Variants in HTR6 observed in about 807,000 individuals in gnomAD.
The protein encoded by HTR6 is 5-hydroxytryptamine receptor 6, also known as 5-hydroxytryptamine (serotonin) receptor 6, G protein-coupled.
Under a neutral mutation model 17.4 loss-of-function variants are expected in HTR6, and 15 were observed. The observed-to-expected ratio is 0.86, with a 90% CI of 0.58 to 1.33. HTR6 has a LOEUF of 1.33. Ranked by LOEUF, HTR6 falls within the 40% of genes most tolerant of loss-of-function variation. The pLI is 0.00. For synonymous variants in HTR6, 326 were observed against 295.5 expected (o/e 1.10, Z -1.06); for missense variants, 578 against 616.0 (o/e 0.94, Z 0.65).
At chr1:19,668,201 T>G (rs1287244931) in intron 1 of HTR6, among the ~76,000 whole-genome samples, 1 of 152,182 alleles carries the variant, frequency 6.6e-6, no homozygotes, top group African/African-American at 2.4e-5. Context: ...TCTTCAGGGG[T>G]GGGATGGCTG....
Position 19,678,623 on chromosome 1 carries a change from G to A in HTR6, c.771G>A (p.Thr257=), listed in dbSNP as rs143893286. ...CTGCTGACAGCAGGCGTCTAGCCACGAAGCACAGCAGGAAGGCCCTGAAGG... is the reference window on the plus strand; with the variant it reads ...CTGCTGACAGCAGGCGTCTAGCCACAAAGCACAGCAGGAAGGCCCTGAAGG... ...VESADSRRLA[T]KHSRKALKAS... Residue 257 remains threonine, a synonymous_variant, in exon 2 of 3, where the codon ACG becomes ACA. Transcript: ENST00000289753. 2.2e-4 allele frequency: 357 copies of A among 1,613,522 alleles called. No homozygotes were observed. The highest frequency in any genetic ancestry group is 2.8e-4 in the Non-Finnish European group (336 of 1,179,990).
Position 19,678,602 on chromosome 1 carries a change from T to A in HTR6, c.750T>A (p.Ala250=). The part of the protein sequence containing the change: ...PRTPRPGVES[A]DSRRLATKHS... ...CCCCACGCCCAGGGGTGGAGTCTGC[T>A]GACAGCAGGCGTCTAGCCACGAAGC... The change falls in exon 2 of 3, where the codon GCT becomes GCA. Residue 250 remains alanine (A), a synonymous_variant. Transcript: ENST00000289753. 6.2e-7 allele frequency: 1 copy of A among 1,613,044 alleles called. No individual in the cohort carries two copies. Among genetic ancestry groups the A allele is most frequent in the Non-Finnish European group, 8.5e-7 (1 of 1,179,980 alleles).
Position 19,679,610 on chromosome 1 carries a change from C to T in HTR6, c.*242C>T. 2 of 543,084 alleles carry T rather than the reference C, an allele frequency of 3.7e-6. No individual in the cohort carries two copies. Among genetic ancestry groups the T allele is most frequent in the Non-Finnish European group, 6.2e-6 (2 of 321,022 alleles). The allele number at this position is 543,084 out of a possible 1,614,324, so 33.6% of individuals were successfully genotyped here. A position where few individuals can be genotyped will look rare whatever the true frequency, so the allele number is the denominator to read the frequency against. The stretch of plus-strand genomic sequence containing the variant: ...CACTGTTGAGTGTAACTTGTGTGTG[C>T]AGAGGATGGGCTGGAGGACTCTGGA... On this transcript the variant is annotated 3_prime_UTR_variant, in exon 3 of 3. Transcript: ENST00000289753. This position sits in a 1 kb window ranked among gnomAD's most constrained non-coding sequence, Gnocchi z 4.9.
intron 1 of HTR6, among the ~76,000 whole-genome samples, chr1:19,668,781 A>C (rs2100468993): frequency 6.6e-6 from 1 of 152,234 alleles, no homozygotes; most frequent in South Asian, 2.1e-4. Context: ...TAGAAAGAAA[A>C]CTTCGTATCT....
chr1:19,672,424 C>G (rs2095089333), intron 1 of HTR6, among the ~76,000 whole-genome samples: 1 of 143,632 alleles, frequency 7.0e-6, no homozygotes, highest in African/African-American at 2.5e-5. Flanking sequence ...GAGGAGGAGG[C>G]TGTGATCACA....
At chr1:19,676,986 G>T (rs2095095218) in intron 1 of HTR6, among the ~76,000 whole-genome samples, 1 of 152,180 alleles carries the variant, frequency 6.6e-6, no homozygotes, top group African/African-American at 2.4e-5. Context: ...AGTAAATAGA[G>T]GTGGGCCTAA....
At chr1:19,669,185 G>T (rs2095084966) in intron 1 of HTR6, among the ~76,000 whole-genome samples, 1 of 152,166 alleles carries the variant, frequency 6.6e-6, no homozygotes, top group African/African-American at 2.4e-5. Context: ...GAGAGATCAG[G>T]ATTCCTAGTT....
intron 1 of HTR6, among the ~76,000 whole-genome samples, chr1:19,670,710 C>T (rs909606131): frequency 7.2e-5 from 11 of 152,140 alleles, no homozygotes; most frequent in Non-Finnish European, 1.0e-4. Context: ...GCAATCCACC[C>T]GCCTTGGCTT....
In HTR6 at chr1:19,678,897, A is replaced by T. The variant is rs370937620; in HGVS notation, c.874-22A>T. On this transcript the variant is annotated intron_variant, in intron 2 of 2. Transcript: ENST00000289753. ...CTGGGTCCCTGCCCTGGGACCAGGC[A>T]TGATGCATCCCCTCCCCCCAGGCCG... The T allele has an allele frequency of 1.1e-5, 17 of 1,576,754 alleles. No individual in the cohort carries two copies. The African/African-American group carries it at 2.3e-4, about 21-fold the overall frequency.
At chr1:19,678,018 G>A (rs1296948810) in intron 1 of HTR6, among the ~76,000 whole-genome samples, 3 of 152,226 alleles carry the variant, frequency 2.0e-5, no homozygotes, top group African/African-American at 7.2e-5. Context: ...GGGATTACAG[G>A]CGTGAGCCAC....
In HTR6 at chr1:19,665,855, C is replaced by A. The variant is rs1178279904; in HGVS notation, c.102C>A (p.Cys34Ter). 1.9e-6 allele frequency: 3 copies of A among 1,591,764 alleles called. No homozygotes were observed. Among genetic ancestry groups the A allele is most frequent in the Non-Finnish European group, 2.6e-6 (3 of 1,169,786 alleles). ...GGSGWVAAAL[C>*]VVIALTAAAN... ...GCGGCTGGGTGGCGGCCGCGCTGTG[C>A]GTGGTCATCGCGCTGACGGCGGCGG... is the stretch of plus-strand genomic sequence containing the variant. Residue 34 changes from cysteine to a stop codon, truncating the protein, a stop_gained, in exon 1 of 3, where the codon TGC becomes TGA. Coordinates refer to ENST00000289753, the MANE Select transcript of HTR6 (RefSeq NM_000871.3). LOFTEE classifies it high-confidence loss of function. The surrounding 1 kb of genome is among the most constrained non-coding windows in gnomAD (Gnocchi z 4.2).
At chr1:19,671,635 C>T (rs2095088007) in intron 1 of HTR6, among the ~76,000 whole-genome samples, 1 of 152,172 alleles carries the variant, frequency 6.6e-6, no homozygotes, top group African/African-American at 2.4e-5. Flanking sequence ...GACCCCTTCC[C>T]TTTTCCTGTG....
Position 19,665,657 on chromosome 1 carries a change from T to G in HTR6, c.-97T>G. The G allele has an allele frequency of 8.7e-6, 7 of 805,946 alleles. No homozygotes were observed. The highest frequency in any genetic ancestry group is 1.3e-5 in the Non-Finnish European group (7 of 522,698). 49.9% of individuals were successfully genotyped at this position (805,946 alleles called of 1,614,324 possible). A position where few individuals can be genotyped will look rare whatever the true frequency, so the allele number is the denominator to read the frequency against. ...GGGGGGCGTGGTGAGTCGCGGTCTG[T>G]TCTCACGGACGGTCCCCGTCCAGCC... On this transcript the variant is annotated 5_prime_UTR_variant, in exon 1 of 3. Coordinates refer to ENST00000289753, the MANE Select transcript of HTR6 (RefSeq NM_000871.3). This position sits in a 1 kb window ranked among gnomAD's most constrained non-coding sequence, Gnocchi z 4.2.
At chr1:19,675,579 T>C (rs2095093225) in intron 1 of HTR6, among the ~76,000 whole-genome samples, 1 of 152,138 alleles carries the variant, frequency 6.6e-6, no homozygotes, top group African/African-American at 2.4e-5. Flanking sequence ...CACCCCATTC[T>C]CTGGAGCTCC....
chr1:19,671,728 C>T (rs746352042), intron 1 of HTR6, among the ~76,000 whole-genome samples: 3 of 152,206 alleles, frequency 2.0e-5, no homozygotes, highest in Non-Finnish European at 2.9e-5. Flanking sequence ...GCATAGGTCT[C>T]GAGGCCCCAG....
At position 19,665,068 on chromosome 1, in the gene HTR6, C is replaced by T. The variant is rs1462223910; in HGVS notation, c.-686C>T. 6.6e-6 allele frequency among the ~76,000 whole-genome samples: 1 copy of T among 151,580 alleles called. No individual in the cohort carries two copies. The highest frequency in any genetic ancestry group is 1.5e-5 in the Non-Finnish European group (1 of 67,840). On this transcript the variant is annotated 5_prime_UTR_variant, in exon 1 of 3. Transcript: ENST00000289753. The surrounding 1 kb of genome is among the most constrained non-coding windows in gnomAD (Gnocchi z 4.2). ...CGGGCGGGAGACGGAGGCGACCCTG[C>T]TGCCGGGTGGGGAGGGGGCGCCGCG...
In HTR6 at chr1:19,678,633, A is replaced by C; in HGVS notation, c.781A>C (p.Arg261=). 4.3e-6 allele frequency: 7 copies of C among 1,613,714 alleles called. No individual in the cohort carries two copies. The highest frequency in any genetic ancestry group is 8.5e-7 in the Non-Finnish European group (1 of 1,180,002). ...DSRRLATKHS[R]KALKASLTLG... is the part of the protein sequence containing the mutation. ...CAGGCGTCTAGCCACGAAGCACAGC[A>C]GGAAGGCCCTGAAGGCCAGCCTGAC... Residue 261 remains arginine (R), a synonymous_variant, in exon 2 of 3, where the codon AGG becomes CGG. Transcript: ENST00000289753.
rs200027010 is a variant in HTR6 at position 19,678,599 on chromosome 1, T to C, written c.747T>C (p.Ser249=). The C allele has an allele frequency of 3.1e-6, 5 of 1,612,956 alleles. No individual in the cohort carries two copies. In the South Asian group the frequency reaches 5.5e-5, roughly 18 times the overall value. The change falls in exon 2 of 3, where the codon TCT becomes TCC. Residue 249 remains serine (S), a synonymous_variant. Coordinates refer to ENST00000289753, the MANE Select transcript of HTR6 (RefSeq NM_000871.3). ...VPRTPRPGVE[S]ADSRRLATKH... ...GGACCCCACGCCCAGGGGTGGAGTCTGCTGACAGCAGGCGTCTAGCCACGA... is the reference window on the plus strand; with the variant it reads ...GGACCCCACGCCCAGGGGTGGAGTCCGCTGACAGCAGGCGTCTAGCCACGA...
intron 1 of HTR6, among the ~76,000 whole-genome samples, chr1:19,668,810 C>A (rs1283565609): frequency 6.6e-6 from 1 of 152,216 alleles, no homozygotes; most frequent in Admixed American, 6.5e-5. Context: ...AATGGAAAAT[C>A]TGTATCCTTT....
Sources: allele counts gnomAD v4.1 joint callset (sites outside exome capture counted in the v4.1 genomes callset), GRCh38; gene constraint gnomAD v4.1.1; non-coding constraint Gnocchi (gnomAD v3.1); transcripts MANE v1.5; gene names NCBI Gene and HGNC (gene_info 2026-07-23, HGNC 2026-07-21).